Variants in SPRY3 observed in about 807,000 individuals in gnomAD.
SPRY3 encodes protein sprouty homolog 3.
Under a neutral mutation model 20.2 loss-of-function variants are expected in SPRY3, and 15 were observed. The observed-to-expected ratio is 0.74, with a 90% confidence interval of 0.50 to 1.14. The LOEUF (loss-of-function observed/expected upper bound fraction) is 1.14, where lower values mean the gene tolerates loss of function less well. Among genes scored for constraint, SPRY3 ranks in the 50% most tolerant of loss-of-function variants. The pLI is 0.00. For synonymous variants in SPRY3, 143 were observed against 136.5 expected (o/e 1.05, Z -0.33); for missense variants, 364 against 363.9 (o/e 1.00, Z 0.00).
chrX:155,765,323 G>C (rs2124596042), intron 2 of SPRY3, among the ~76,000 whole-genome samples: 1 of 152,224 alleles, frequency 6.6e-6, no homozygotes, highest in African/African-American at 2.4e-5. Context: ...TAAAATCCTA[G>C]ATCTGCAAAC....
intron 1 of SPRY3, among the ~76,000 whole-genome samples, chrX:155,616,488 T>C (rs1353246952): frequency 2.7e-5 from 3 of 110,884 alleles, no homozygotes; most frequent in Non-Finnish European, 5.7e-5. Context: ...CCTCTTGTGC[T>C]CAGAGATTGG....
At chrX:155,740,140 C>G (rs780206137) in intron 2 of SPRY3, among the ~76,000 whole-genome samples, 1 of 152,308 alleles carries the variant, frequency 6.6e-6, no homozygotes, top group Admixed American at 6.5e-5. Context: ...TTTATAATTT[C>G]TTACGCCTGT....
intron 2 of SPRY3, among the ~76,000 whole-genome samples, chrX:155,707,062 A>G (rs1362199004): frequency 1.3e-5 from 2 of 149,356 alleles, no homozygotes; most frequent in Admixed American, 6.7e-5. Context: ...TTGTTTTTCT[A>G]GTTTCTGAAG....
At chrX:155,768,052 A>G (rs2091354420) in exon 3 of SPRY3, 1 of 152,230 alleles carries the variant, frequency 6.6e-6, no homozygotes, top group South Asian at 2.1e-4. Context: ...GGAGAAACCT[A>G]AAGACTGAGG....
At chrX:155,717,019 C>T (rs985961036) in intron 2 of SPRY3, among the ~76,000 whole-genome samples, 4 of 94,750 alleles carry the variant, frequency 4.2e-5, no homozygotes, top group South Asian at 3.9e-4. Context: ...TATAGCTGGG[C>T]GTGGCAGCAT....
At chrX:155,759,397 C>T (rs2091295569) in intron 2 of SPRY3, among the ~76,000 whole-genome samples, 1 of 152,068 alleles carries the variant, frequency 6.6e-6, no homozygotes, top group African/African-American at 2.4e-5. Flanking sequence ...AGGTATATTT[C>T]CTCTCTGCTC....
chrX:155,748,455 G>A (rs1355978105), intron 2 of SPRY3, among the ~76,000 whole-genome samples: 1 of 151,790 alleles, frequency 6.6e-6, no homozygotes, highest in Non-Finnish European at 1.5e-5. Flanking sequence ...ACTTCCAAGA[G>A]AGTAATTTTG....
chrX:155,663,845 G>A (rs889564728), intron 2 of SPRY3, among the ~76,000 whole-genome samples: 4 of 111,131 alleles, frequency 3.6e-5, no homozygotes, highest in African/African-American at 1.3e-4. Context: ...AATAGCAAAA[G>A]ATAGACCAAA....
chrX:155,719,407 C>G (rs753376236), intron 2 of SPRY3, among the ~76,000 whole-genome samples: 1 of 152,198 alleles, frequency 6.6e-6, no homozygotes, highest in South Asian at 2.1e-4. Context: ...ACAGCAACCT[C>G]TAGGCGAGTC....
At chrX:155,719,883 TG>T (rs1211426065) in intron 2 of SPRY3, among the ~76,000 whole-genome samples, 1 of 152,062 alleles carries the variant, frequency 6.6e-6, no homozygotes, top group East Asian at 1.9e-4. Context: ...GTGGTGGCTA[TG>T]GGGCAACTCC....
chrX:155,639,602 A>G (rs782263001), intron 1 of SPRY3, among the ~76,000 whole-genome samples: 1 of 112,146 alleles, frequency 8.9e-6, no homozygotes, highest in South Asian at 3.7e-4. Flanking sequence ...ACCACATTTT[A>G]TTTATCCATT....
chrX:155,613,180 C>T (rs782708304), intron 1 of SPRY3, among the ~76,000 whole-genome samples: 30 of 112,213 alleles, frequency 2.7e-4, no homozygotes, highest in Non-Finnish European at 4.5e-4. Flanking sequence ...GTGCTCCTCC[C>T]GAGTCCTCCC....
In SPRY3 at chrX:155,678,646, A is replaced by G. The variant is rs1323496649; in HGVS notation, c.-282+21621A>G. ...ACTGAAAAGAGTGGCTTTGTATGGC[A>G]TTTTTAAATACTTGGTTGAAGTGAG... On this transcript the variant is annotated intron_variant, in intron 2 of 3. Coordinates refer to ENST00000675360, the Ensembl canonical transcript of SPRY3. 3.6e-5 allele frequency among the ~76,000 whole-genome samples: 4 copies of G among 111,512 alleles called. No homozygotes were observed. In the East Asian group the frequency reaches 1.1e-3, roughly 32 times the overall value.
chrX:155,693,925 T>C (rs137965141), intron 2 of SPRY3, among the ~76,000 whole-genome samples: 366 of 111,796 alleles, frequency 3.3e-3, no homozygotes, highest in African/African-American at 0.011. Flanking sequence ...GCCTCAGCCT[T>C]CTGAGTAGCT....
At chrX:155,763,435 C>T (rs2091312175) in intron 2 of SPRY3, among the ~76,000 whole-genome samples, 1 of 152,104 alleles carries the variant, frequency 6.6e-6, no homozygotes, top group Admixed American at 6.6e-5. Context: ...TTTGGCTGAC[C>T]TGACTCTAGT....
intron 2 of SPRY3, among the ~76,000 whole-genome samples, chrX:155,681,627 T>C (rs1403951926): frequency 8.9e-6 from 1 of 112,092 alleles, no homozygotes. Context: ...TTGAAAAAAT[T>C]AAAAGTGCCA....
intron 2 of SPRY3, among the ~76,000 whole-genome samples, chrX:155,661,383 C>T (rs908790175): frequency 4.5e-5 from 5 of 111,740 alleles, no homozygotes; most frequent in African/African-American, 1.6e-4. Flanking sequence ...TATAAGGGTT[C>T]TGCTGAGAAG....
intron 1 of SPRY3, among the ~76,000 whole-genome samples, chrX:155,639,410 T>C (rs2067934121): frequency 8.9e-6 from 1 of 112,081 alleles, no homozygotes; most frequent in African/African-American, 3.2e-5. Context: ...ATTTCGAAGT[T>C]GTAGTTAACA....
chrX:155,651,428 T>TC (rs1557352377), intron 1 of SPRY3, among the ~76,000 whole-genome samples: 1 of 111,855 alleles, frequency 8.9e-6, no homozygotes, highest in Non-Finnish European at 1.9e-5. Flanking sequence ...AATTTGCAGT[T>TC]CCCCCTGGTG....
Sources: allele counts gnomAD v4.1 joint callset (sites outside exome capture counted in the v4.1 genomes callset), GRCh38; gene constraint gnomAD v4.1.1; transcripts MANE v1.5; gene names NCBI Gene and HGNC (gene_info 2026-07-23, HGNC 2026-07-21).